Variants in CEP112 observed in about 807,000 individuals in gnomAD.
CEP112 encodes centrosomal protein 112.
In CEP112, 127 loss-of-function variants were observed where a neutral mutation model predicts 153.0. The ratio of observed to expected loss-of-function variants is 0.83; its 90% CI spans 0.72 to 0.96. The LOEUF (loss-of-function observed/expected upper bound fraction) is 0.96. Among genes scored for constraint, CEP112 ranks in the 40% least tolerant of loss-of-function variants. CEP112 has a pLI of 0.00. For missense variants in CEP112, 1,089 were observed against 1,101.2 expected (o/e 0.99, Z 0.16); for synonymous variants, 358 against 374.4 (o/e 0.96, Z 0.51).
At chr17:65,810,935 TA>T in intron 21 of CEP112, among the ~76,000 whole-genome samples, 1 of 152,266 alleles carries the variant, frequency 6.6e-6, no homozygotes, top group South Asian at 2.1e-4. Flanking sequence ...GATGGGCAGA[TA>T]AAGTGGTTCT....
chr17:65,860,206 CAACA>C (rs141008319), intron 20 of CEP112, among the ~76,000 whole-genome samples: 9,426 of 151,864 alleles, frequency 0.062, 351 homozygotes, highest in South Asian at 0.12. Flanking sequence ...ACAGCTATGA[CAACA>C]AACAAAGAAT....
intron 20 of CEP112, among the ~76,000 whole-genome samples, chr17:65,886,964 G>A (rs538335426): frequency 5.9e-5 from 9 of 152,272 alleles, no homozygotes; most frequent in African/African-American, 1.9e-4. Context: ...AGATTTGGGG[G>A]AGGGACTTAG....
chr17:65,724,364 C>T (rs2050057988), intron 23 of CEP112, among the ~76,000 whole-genome samples: 1 of 152,164 alleles, frequency 6.6e-6, no homozygotes, highest in East Asian at 1.9e-4. Context: ...TTAGAAACTG[C>T]ATAATTTACC....
At chr17:65,974,383 G>T (rs1405962658) in intron 17 of CEP112, among the ~76,000 whole-genome samples, 1 of 152,034 alleles carries the variant, frequency 6.6e-6, no homozygotes, top group African/African-American at 2.4e-5. Flanking sequence ...AGCCCAAAAG[G>T]CATCCTCCTT....
At chr17:65,762,053 T>C (rs910210368) in intron 21 of CEP112, among the ~76,000 whole-genome samples, 14 of 152,124 alleles carry the variant, frequency 9.2e-5, no homozygotes, top group Non-Finnish European at 4.4e-5. Context: ...AGTTTTTGCC[T>C]CACATAGTTT....
At chr17:65,720,451 G>A (rs1050723067) in intron 23 of CEP112, among the ~76,000 whole-genome samples, 1 of 152,158 alleles carries the variant, frequency 6.6e-6, no homozygotes, top group African/African-American at 2.4e-5. Flanking sequence ...AAGAGGGGCC[G>A]TGAAGGTTTC....
chr17:66,181,263 T>C (rs770980824), intron 2 of CEP112, among the ~76,000 whole-genome samples: 8 of 152,312 alleles, frequency 5.3e-5, no homozygotes, highest in Non-Finnish European at 7.3e-5. Context: ...ATAAACTAAT[T>C]AAATAAAAGA....
chr17:65,910,643 T>C (rs551676666), intron 19 of CEP112, among the ~76,000 whole-genome samples: 10 of 152,046 alleles, frequency 6.6e-5, no homozygotes, highest in South Asian at 2.1e-4. Flanking sequence ...TGAATAAACA[T>C]GGTGAAAAAT....
At chr17:65,775,788 C>A (rs2053643518) in intron 21 of CEP112, among the ~76,000 whole-genome samples, 1 of 152,230 alleles carries the variant, frequency 6.6e-6, no homozygotes, top group Non-Finnish European at 1.5e-5. Context: ...CAGGCATGAG[C>A]CATTGCGCCC....
At chr17:65,686,862 C>T (rs2047821109) in intron 24 of CEP112, among the ~76,000 whole-genome samples, 1 of 83,602 alleles carries the variant, frequency 1.2e-5, no homozygotes, top group African/African-American at 1.2e-4. Context: ...CATTGCTATC[C>T]AGTTTTTTTT....
chr17:65,909,025 C>T (rs778833231), intron 19 of CEP112, among the ~76,000 whole-genome samples: 2 of 152,088 alleles, frequency 1.3e-5, no homozygotes, highest in East Asian at 3.9e-4. Context: ...GCAAATATGG[C>T]CTGAACCACT....
At chr17:65,844,791 G>A (rs1003546201) in intron 21 of CEP112, among the ~76,000 whole-genome samples, 17 of 151,722 alleles carry the variant, frequency 1.1e-4, no homozygotes, top group East Asian at 9.8e-4. Flanking sequence ...CGAGGTGGGC[G>A]GATCACGAGG....
intron 23 of CEP112, among the ~76,000 whole-genome samples, chr17:65,692,248 AGAC>A (rs2048143948): frequency 2.2e-5 from 2 of 91,108 alleles, no homozygotes; most frequent in African/African-American, 9.2e-5. Flanking sequence ...TTTTTTTTTG[AGAC>A]GGAGTTTTGC....
intron 18 of CEP112, among the ~76,000 whole-genome samples, chr17:65,938,960 C>G (rs865849028): frequency 6.6e-6 from 1 of 151,896 alleles, no homozygotes; most frequent in Non-Finnish European, 1.5e-5. Context: ...TACAGGTGCT[C>G]GCCACCATGC....
chr17:66,017,708 A>AG (rs1448925479), intron 16 of CEP112, among the ~76,000 whole-genome samples: 2 of 152,070 alleles, frequency 1.3e-5, no homozygotes, highest in Admixed American at 1.3e-4. Flanking sequence ...TAAAAAAAAA[A>AG]TCCTTGTTTG....
intron 21 of CEP112, among the ~76,000 whole-genome samples, chr17:65,793,005 T>G (rs759097805): frequency 1.3e-5 from 2 of 152,026 alleles, no homozygotes; most frequent in Non-Finnish European, 2.9e-5. Context: ...TGTAGCCATG[T>G]CCAAATCGAA....
intron 20 of CEP112, among the ~76,000 whole-genome samples, chr17:65,890,150 C>T (rs188177761): frequency 3.9e-5 from 6 of 152,172 alleles, no homozygotes; most frequent in Admixed American, 2.6e-4. Context: ...CCCTAGTGAA[C>T]CCCACTTGGG....
chr17:65,722,882 C>T (rs553911612), intron 23 of CEP112, among the ~76,000 whole-genome samples: 11 of 152,204 alleles, frequency 7.2e-5, no homozygotes, highest in South Asian at 2.1e-4. Context: ...GATCAGTCTT[C>T]GTGAAAAAGC....
chr17:65,995,532 C>A (rs2063753466), intron 17 of CEP112, among the ~76,000 whole-genome samples: 1 of 152,132 alleles, frequency 6.6e-6, no homozygotes, highest in Admixed American at 6.5e-5. Context: ...ATCAAAAAGT[C>A]ACCCAGGACA....
Sources: gnomAD v4.1 joint callset for allele counts (sites outside exome capture counted in the v4.1 genomes callset) on GRCh38, gnomAD v4.1.1 for gene constraint, MANE v1.5 for transcripts, NCBI Gene and HGNC (gene_info 2026-07-23, HGNC 2026-07-21) for gene names.